The following CSMD1 variants were observed in gnomAD, a reference collection of about 807,000 sequenced individuals.
The protein encoded by CSMD1 is CUB and sushi domain-containing protein 1.
CSMD1 carries 213 observed loss-of-function variants against 417.5 expected under a neutral mutation model. That is an observed-to-expected ratio of 0.51 (90% CI 0.46 to 0.57). CSMD1 has a LOEUF of 0.57. Ranked by LOEUF, CSMD1 falls within the 20% of genes least tolerant of loss-of-function variation. The pLI, the probability that CSMD1 is intolerant of heterozygous loss-of-function variation, is 0.00. For missense variants in CSMD1, 6,923 were observed against 4,529.7 expected, an observed-to-expected ratio of 1.53 and a Z score of -15.17; for synonymous variants, 2,862 against 1,736.8, an observed-to-expected ratio of 1.65 and a Z score of -16.11.
chr8:3,841,422 A>C (rs1338134731), intron 5 of CSMD1, among the ~76,000 whole-genome samples: 1 of 152,182 alleles, frequency 6.6e-6, no homozygotes, highest in African/African-American at 2.4e-5. Context: ...GAAAAGAAGA[A>C]AACAACAAAA....
intron 10 of CSMD1, among the ~76,000 whole-genome samples, chr8:3,553,390 G>T (rs550577017): frequency 7.2e-5 from 11 of 152,308 alleles, no homozygotes; most frequent in African/African-American, 2.6e-4. Context: ...GAAACAGACA[G>T]AGTGTGACAG....
At chr8:3,515,862 G>T (rs1290974249) in intron 10 of CSMD1, among the ~76,000 whole-genome samples, 1 of 152,210 alleles carries the variant, frequency 6.6e-6, no homozygotes, top group African/African-American at 2.4e-5. Flanking sequence ...TTCAGCGTGG[G>T]GAAAATTAAC....
chr8:4,939,787 G>A (rs62488197), intron 1 of CSMD1, among the ~76,000 whole-genome samples: 35,232 of 152,012 alleles, frequency 0.23, 4,262 homozygotes, highest in East Asian at 0.38. Flanking sequence ...ACTGTTAATA[G>A]AGTCGATTTT....
In CSMD1 at chr8:4,684,320, GT is replaced by G. The variant is rs576882322; in HGVS notation, c.86-46763del. Among the ~76,000 whole-genome samples the G allele has an allele frequency of 7.9e-5, 12 of 152,256 alleles. No individual in the cohort carries two copies. In the South Asian group the frequency reaches 2.1e-3, roughly 26 times the overall value. ...CAGACTTGGTAAAAATCGGTTTTCTGTTTGTCCAACAACATATAACCTACCT... is the reference window on the plus strand; with the variant it reads ...CAGACTTGGTAAAAATCGGTTTTCTGTTGTCCAACAACATATAACCTACCT... On this transcript the variant is annotated intron_variant, in intron 1 of 69. Coordinates refer to ENST00000635120, the MANE Select transcript of CSMD1 (RefSeq NM_033225.6).
rs183434099 is a variant in CSMD1 at position 3,518,759 on chromosome 8, C to T, written c.1345-25033G>A. On this transcript the variant is annotated intron_variant, in intron 10 of 69. Coordinates refer to ENST00000635120, the MANE Select transcript of CSMD1 (RefSeq NM_033225.6). ...GAATGTGGAGAAGAACAGTTCATTA[C>T]ATGCTCTGTTTGTTAGAATTAATTA... Among the ~76,000 whole-genome samples the T allele has an allele frequency of 3.3e-3, 502 of 152,240 alleles. 1 individual carries two copies. Among genetic ancestry groups the T allele is most frequent in the Non-Finnish European group, 5.8e-3 (396 of 68,014 alleles).
chr8:3,312,005 G>A (rs1166518091), intron 23 of CSMD1, among the ~76,000 whole-genome samples: 1 of 151,966 alleles, frequency 6.6e-6, no homozygotes, highest in Non-Finnish European at 1.5e-5. Flanking sequence ...CCAAAAATAG[G>A]CTTATTTTAA....
intron 3 of CSMD1, among the ~76,000 whole-genome samples, chr8:4,390,351 A>C (rs1474646075): frequency 6.6e-6 from 1 of 152,118 alleles, no homozygotes; most frequent in Non-Finnish European, 1.5e-5. Context: ...AACCATAATA[A>C]TACCACATTC....
intron 5 of CSMD1, among the ~76,000 whole-genome samples, chr8:3,836,824 A>C (rs192642117): frequency 5.9e-5 from 9 of 152,256 alleles, no homozygotes; most frequent in Admixed American, 5.9e-4. Flanking sequence ...TAATTTTATA[A>C]CTCAATTAAA....
chr8:4,224,614 C>G (rs999601469), intron 3 of CSMD1, among the ~76,000 whole-genome samples: 1 of 152,164 alleles, frequency 6.6e-6, no homozygotes, highest in African/African-American at 2.4e-5. Context: ...AAGGTTATGA[C>G]TTCAGACTGA....
At chr8:4,414,165 A>C (rs968207940) in intron 3 of CSMD1, among the ~76,000 whole-genome samples, 1 of 152,176 alleles carries the variant, frequency 6.6e-6, no homozygotes, top group Non-Finnish European at 1.5e-5. Context: ...TTTGAGCTTG[A>C]AGAGTAATAA....
intron 51 of CSMD1, among the ~76,000 whole-genome samples, chr8:3,028,212 T>C (rs1176050952): frequency 2.6e-5 from 4 of 152,188 alleles, no homozygotes; most frequent in African/African-American, 9.7e-5. Flanking sequence ...GGGAAGAGTC[T>C]AAAATAGGCA....
chr8:3,946,814 A>AT (rs1278272163), intron 5 of CSMD1, among the ~76,000 whole-genome samples: 1 of 152,068 alleles, frequency 6.6e-6, no homozygotes, highest in Non-Finnish European at 1.5e-5. Flanking sequence ...AATCTGTCAT[A>AT]TTTTAATTCT....
At chr8:3,903,198 C>A (rs1267183813) in intron 5 of CSMD1, among the ~76,000 whole-genome samples, 1 of 152,092 alleles carries the variant, frequency 6.6e-6, no homozygotes, top group East Asian at 1.9e-4. Context: ...TCTTACCCTT[C>A]AGTGTGACTC....
intron 26 of CSMD1, among the ~76,000 whole-genome samples, chr8:3,247,510 A>G (rs565610378): frequency 2.6e-5 from 4 of 152,258 alleles, no homozygotes; most frequent in Admixed American, 6.5e-5. Flanking sequence ...GGCCCATCCA[A>G]CCCTACGAGG....
chr8:4,303,910 C>G (rs1029981229), intron 3 of CSMD1, among the ~76,000 whole-genome samples: 5 of 152,062 alleles, frequency 3.3e-5, no homozygotes, highest in Non-Finnish European at 7.4e-5. Flanking sequence ...CTGCCTCAGC[C>G]TCTCAGTACT....
intron 5 of CSMD1, among the ~76,000 whole-genome samples, chr8:3,850,415 C>T (rs1357470333): frequency 6.6e-6 from 1 of 152,212 alleles, no homozygotes; most frequent in African/African-American, 2.4e-5. Context: ...TCGCATTAAG[C>T]CTGGCATGGT....
chr8:3,535,575 G>A (rs929195290), intron 10 of CSMD1, among the ~76,000 whole-genome samples: 2 of 152,092 alleles, frequency 1.3e-5, no homozygotes, highest in Admixed American at 6.6e-5. Context: ...AGAAGGATGA[G>A]AAATTACTTA....
intron 39 of CSMD1, among the ~76,000 whole-genome samples, chr8:3,157,224 G>C (rs899517312): frequency 6.6e-6 from 1 of 151,986 alleles, no homozygotes; most frequent in Non-Finnish European, 1.5e-5. Context: ...GTGAAGCTGG[G>C]GGCCTGAATG....
At chr8:4,292,241 G>C (rs574502016) in intron 3 of CSMD1, among the ~76,000 whole-genome samples, 5 of 149,336 alleles carry the variant, frequency 3.3e-5, no homozygotes, top group Admixed American at 2.0e-4. Context: ...TTTTGTTGTC[G>C]TCGTTGTTGT....
Sources: allele counts gnomAD v4.1 joint callset (sites outside exome capture counted in the v4.1 genomes callset), GRCh38; gene constraint gnomAD v4.1.1; transcripts MANE v1.5; gene names NCBI Gene and HGNC (gene_info 2026-07-23, HGNC 2026-07-21).